RIT2: variants seen among roughly 807,000 people sequenced by gnomAD.
RIT2 encodes GTP-binding protein Rit2.
RIT2 carries 24 observed loss-of-function variants against 23.7 expected under a neutral mutation model. That is an observed-to-expected ratio of 1.01 (90% CI 0.73 to 1.43). The LOEUF is 1.43. Among genes scored for constraint, RIT2 ranks in the 40% most tolerant of loss-of-function variants. The pLI is 0.00. For synonymous variants in RIT2, 107 were observed against 91.1 expected, an observed-to-expected ratio of 1.17 and a Z score of -0.99; for missense variants, 236 against 266.9, an observed-to-expected ratio of 0.88 and a Z score of 0.81.
intron 1 of RIT2, among the ~76,000 whole-genome samples, chr18:43,056,905 CT>C (rs2144316834): frequency 6.6e-6 from 1 of 152,154 alleles, no homozygotes; most frequent in South Asian, 2.1e-4. Context: ...ACTCTTGCCC[CT>C]GATACTTCAA....
chr18:42,807,311 C>T (rs148655697), intron 4 of RIT2, among the ~76,000 whole-genome samples: 1 of 152,266 alleles, frequency 6.6e-6, no homozygotes, highest in East Asian at 1.9e-4. Context: ...TCAGAGAACA[C>T]TTCTGATATT....
intron 2 of RIT2, among the ~76,000 whole-genome samples, chr18:42,976,895 C>G (rs1456877290): frequency 6.6e-6 from 1 of 151,910 alleles, no homozygotes; most frequent in Non-Finnish European, 1.5e-5. Context: ...GGAAAGTTGA[C>G]AGATTTGCAA....
chr18:43,083,458 C>G (rs1913206233), intron 1 of RIT2, among the ~76,000 whole-genome samples: 1 of 152,146 alleles, frequency 6.6e-6, no homozygotes, highest in Non-Finnish European at 1.5e-5. Context: ...CTGGAAACAT[C>G]ACGCTACCTG....
intron 1 of RIT2, among the ~76,000 whole-genome samples, chr18:43,066,634 T>C (rs184152651): frequency 3.2e-4 from 49 of 152,196 alleles, no homozygotes; most frequent in African/African-American, 1.1e-3. Context: ...TAGAAGAAAG[T>C]CCTCTATACA....
At chr18:42,977,845 C>G (rs1442184913) in intron 2 of RIT2, among the ~76,000 whole-genome samples, 2 of 148,310 alleles carry the variant, frequency 1.3e-5, no homozygotes, top group Non-Finnish European at 3.0e-5. Context: ...TTTAGCAACT[C>G]TCAGCCATTC....
chr18:42,909,969 T>C (rs562605832), intron 4 of RIT2, among the ~76,000 whole-genome samples: 1 of 152,172 alleles, frequency 6.6e-6, no homozygotes, highest in East Asian at 1.9e-4. Context: ...AAGGAAATGA[T>C]TGAGACAATT....
intron 1 of RIT2, among the ~76,000 whole-genome samples, chr18:43,037,810 A>G (rs1032644491): frequency 6.6e-6 from 1 of 152,066 alleles, no homozygotes; most frequent in Non-Finnish European, 1.5e-5. Flanking sequence ...CTTGTCCTGC[A>G]CTTTTCTGAA....
chr18:42,869,766 A>G (rs1366630445), intron 4 of RIT2, among the ~76,000 whole-genome samples: 3 of 152,224 alleles, frequency 2.0e-5, no homozygotes, highest in Non-Finnish European at 4.4e-5. Flanking sequence ...AGTAAAACTC[A>G]TAATTAACAA....
At chr18:42,845,211 G>A (rs1906874583) in intron 4 of RIT2, among the ~76,000 whole-genome samples, 2 of 151,938 alleles carry the variant, frequency 1.3e-5, no homozygotes, top group Non-Finnish European at 2.9e-5. Context: ...GGGATCATGA[G>A]TAGAGAAAAA....
intron 4 of RIT2, among the ~76,000 whole-genome samples, chr18:42,763,511 G>A (rs961670586): frequency 2.7e-5 from 4 of 150,670 alleles, no homozygotes; most frequent in Non-Finnish European, 5.9e-5. Context: ...CATGAATGAA[G>A]CTTCCAGGAC....
chr18:43,000,685 C>G (rs1911083861), intron 2 of RIT2, among the ~76,000 whole-genome samples: 2 of 151,804 alleles, frequency 1.3e-5, no homozygotes, highest in Admixed American at 1.3e-4. Context: ...TTCATGAGAT[C>G]TGATGGTTTA....
chr18:43,042,834 C>T (rs1037481915), intron 1 of RIT2, among the ~76,000 whole-genome samples: 24 of 152,112 alleles, frequency 1.6e-4, no homozygotes, highest in African/African-American at 5.3e-4. Flanking sequence ...TTAATGGTGA[C>T]AACAGCAACA....
chr18:42,880,186 G>C (rs1005110562), intron 4 of RIT2, among the ~76,000 whole-genome samples: 1 of 152,030 alleles, frequency 6.6e-6, no homozygotes, highest in Non-Finnish European at 1.5e-5. Context: ...TCGTATTATA[G>C]GTTCTTCTTA....
chr18:43,049,198 CA>C (rs1179021939), intron 1 of RIT2, among the ~76,000 whole-genome samples: 8 of 152,162 alleles, frequency 5.3e-5, no homozygotes, highest in Non-Finnish European at 1.0e-4. Context: ...ATTCCAAAGA[CA>C]GTGTGTAGTT....
chr18:43,048,829 G>C (rs57902437), intron 1 of RIT2, among the ~76,000 whole-genome samples: 2,541 of 152,038 alleles, frequency 0.017, 80 homozygotes, highest in African/African-American at 0.057. Flanking sequence ...CTGGTGTTTC[G>C]CTTTAATGAA....
intron 4 of RIT2, among the ~76,000 whole-genome samples, chr18:42,823,792 A>C (rs145600245): frequency 1.3e-5 from 2 of 152,176 alleles, no homozygotes; most frequent in African/African-American, 4.8e-5. Flanking sequence ...TATTTAATGC[A>C]TAAGAAAATG....
At chr18:42,959,171 T>C (rs1910042605) in intron 3 of RIT2, among the ~76,000 whole-genome samples, 1 of 152,218 alleles carries the variant, frequency 6.6e-6, no homozygotes, top group African/African-American at 2.4e-5. Context: ...ATGTAAACAT[T>C]GTAGGCTTTT....
chr18:42,800,998 A>T (rs932013693), intron 4 of RIT2, among the ~76,000 whole-genome samples: 1 of 152,104 alleles, frequency 6.6e-6, no homozygotes, highest in Non-Finnish European at 1.5e-5. Flanking sequence ...CGTAGCACCA[A>T]TTTTTTTAAA....
intron 4 of RIT2, among the ~76,000 whole-genome samples, chr18:42,805,398 A>G (rs1318493811): frequency 1.3e-5 from 2 of 152,240 alleles, no homozygotes; most frequent in Non-Finnish European, 2.9e-5. Context: ...CTGAGCTCAC[A>G]AAGTTGAAAA....
Sources: gnomAD v4.1 joint callset for allele counts (sites outside exome capture counted in the v4.1 genomes callset) on GRCh38, gnomAD v4.1.1 for gene constraint, MANE v1.5 for transcripts, NCBI Gene and HGNC (gene_info 2026-07-23, HGNC 2026-07-21) for gene names.